The following PRR5 variants were observed in gnomAD, a reference collection of about 807,000 sequenced individuals.
The protein encoded by PRR5 is proline-rich protein 5.
PRR5 carries 25 observed loss-of-function variants against 30.6 expected under a neutral mutation model. The observed-to-expected ratio is 0.82, with a 90% confidence interval of 0.60 to 1.14. The LOEUF (loss-of-function observed/expected upper bound fraction) is 1.14, where lower values mean the gene tolerates loss of function less well. Ranked by LOEUF, PRR5 falls within the 50% of genes most tolerant of loss-of-function variation. The pLI is 0.00. For synonymous variants in PRR5, 286 were observed against 247.1 expected, an observed-to-expected ratio of 1.16 and a Z score of -1.48; for missense variants, 600 against 547.1, an observed-to-expected ratio of 1.10 and a Z score of -0.96.
chr22:44,734,076 A>G (rs75200688), intron 6 of PRR5: 1 of 152,226 alleles, frequency 6.6e-6, no homozygotes, highest in Admixed American at 6.5e-5. Flanking sequence ...GATTGAGACC[A>G]TCCTGGCCAA....
chr22:44,702,034 G>A (rs1245662613), upstream of PRR5, among the ~76,000 whole-genome samples: 1 of 152,104 alleles, frequency 6.6e-6, no homozygotes, highest in Non-Finnish European at 1.5e-5. Context: ...TCAGAGGGCA[G>A]ACCCAGCGAG....
intron 1 of PRR5, among the ~76,000 whole-genome samples, chr22:44,689,672 G>A (rs946082100): frequency 2.0e-5 from 3 of 152,120 alleles, no homozygotes; most frequent in Non-Finnish European, 4.4e-5. Context: ...GTTTTGAGAC[G>A]GAGTCTCGCT....
intron 6 of PRR5, among the ~76,000 whole-genome samples, chr22:44,733,218 C>T (rs979450242): frequency 1.3e-4 from 20 of 152,204 alleles, no homozygotes; most frequent in Admixed American, 3.9e-4. Context: ...CACCGCAAGC[C>T]AGGGGTTTCT....
chr22:44,696,721 G>GTATGTATTTATTTATTTATTTATT (rs1925777542), intron 1 of PRR5, among the ~76,000 whole-genome samples: 1 of 147,926 alleles, frequency 6.8e-6, no homozygotes, highest in African/African-American at 2.5e-5. Context: ...ATGAACTTAC[G>GTATGTATTTATTTATTTATTTATT]TATTTATTTA....
chr22:44,700,776 G>A (rs544034140), upstream of PRR5, among the ~76,000 whole-genome samples: 3 of 152,310 alleles, frequency 2.0e-5, no homozygotes, highest in East Asian at 1.9e-4. Flanking sequence ...TCCCAAAGAC[G>A]ATGGTATTTA....
At chr22:44,695,923 CTTTTTTTTTTT>C (rs79228617) in intron 1 of PRR5, among the ~76,000 whole-genome samples, 2 of 73,344 alleles carry the variant, frequency 2.7e-5, no homozygotes, top group African/African-American at 1.1e-4. Flanking sequence ...ATTCTGACAA[CTTTTTTTTTTT>C]TTTTTTTTTT....
intron 1 of PRR5, chr22:44,679,923 G>T (rs766555404): frequency 1.9e-6 from 3 of 1,541,304 alleles, no homozygotes; most frequent in Middle Eastern, 2.0e-4. Flanking sequence ...AGGGAGGCAG[G>T]TGTATGGGTG....
chr22:44,732,762 T>C (rs1430276984), intron 6 of PRR5, among the ~76,000 whole-genome samples: 1 of 146,956 alleles, frequency 6.8e-6, no homozygotes, highest in African/African-American at 2.6e-5. Flanking sequence ...ACGCACACGC[T>C]ACACACATGC....
At chr22:44,722,568 C>A (rs556793490) in intron 2 of PRR5, among the ~76,000 whole-genome samples, 6 of 152,192 alleles carry the variant, frequency 3.9e-5, no homozygotes, top group African/African-American at 1.2e-4. Context: ...ATGGTGGGGG[C>A]AGCCAGCCCT....
chr22:44,720,177 C>T (rs1182622980), intron 2 of PRR5, among the ~76,000 whole-genome samples: 1 of 152,272 alleles, frequency 6.6e-6, no homozygotes, highest in Non-Finnish European at 1.5e-5. Context: ...CCGTGCTCAG[C>T]TCAGCTCAGG....
In PRR5 at chr22:44,681,312, AGGCGCAGT is replaced by A. The variant is rs1382931767; in HGVS notation, c.-11+4076_-11+4083del. ...AGTTAAAAAAAAAGTTTGGGAGGCC[AGGCGCAGT>A]GGCTTATGCCTCTAATCCCAGAACT... On this transcript the variant is annotated intron_variant, in intron 1 of 8. Transcript: ENST00000006251. Among the ~76,000 whole-genome samples, 3 of 152,340 alleles carry A rather than the reference AGGCGCAGT, an allele frequency of 2.0e-5. No individual in the cohort carries two copies. The East Asian group carries it at 5.8e-4, about 29-fold the overall frequency.
At chr22:44,668,934 G>A (rs1248329361) in intron 1 of PRR5, 1 of 150,342 alleles carries the variant, frequency 6.7e-6, no homozygotes, top group African/African-American at 2.4e-5. Flanking sequence ...GCGCGCGCGT[G>A]TGTGTGCGCG....
chr22:44,700,690 G>GC (rs1926185894), upstream of PRR5, among the ~76,000 whole-genome samples: 1 of 152,144 alleles, frequency 6.6e-6, no homozygotes, highest in African/African-American at 2.4e-5. Flanking sequence ...CTGCCTGTGG[G>GC]CCCCAAGCTG....
At chr22:44,692,328 CTCCTCCCAGGGCTCCTCCTG>C (rs1925331690) in intron 1 of PRR5, among the ~76,000 whole-genome samples, 1 of 143,280 alleles carries the variant, frequency 7.0e-6, no homozygotes, top group African/African-American at 2.6e-5. Context: ...CCCGGGGCTC[CTCCTCCCAGGGCTCCTCCTG>C]GGGGCTCCTC....
chr22:44,671,058 A>G (rs906736919), intron 1 of PRR5, among the ~76,000 whole-genome samples: 1 of 152,180 alleles, frequency 6.6e-6, no homozygotes, highest in Non-Finnish European at 1.5e-5. Flanking sequence ...CTCAAGATAG[A>G]AAAACCCAGG....
intron 1 of PRR5, among the ~76,000 whole-genome samples, chr22:44,710,027 G>A (rs895649738): frequency 7.9e-5 from 12 of 152,218 alleles, no homozygotes; most frequent in East Asian, 3.9e-4. Context: ...CCTACCCGCC[G>A]CCCCTCCCAA....
At chr22:44,728,665 T>C (rs555594072) in intron 4 of PRR5, among the ~76,000 whole-genome samples, 1 of 152,310 alleles carries the variant, frequency 6.6e-6, no homozygotes, top group East Asian at 1.9e-4. Flanking sequence ...CACCTCCACA[T>C]CCTGATGGGC....
intron 1 of PRR5, among the ~76,000 whole-genome samples, chr22:44,670,945 G>A (rs1041679633): frequency 6.6e-6 from 1 of 152,180 alleles, no homozygotes; most frequent in Non-Finnish European, 1.5e-5. Context: ...GAAGAACAGA[G>A]CTCTCGTGAG....
At chr22:44,693,026 G>GT (rs1925422844) in intron 1 of PRR5, among the ~76,000 whole-genome samples, 1 of 152,166 alleles carries the variant, frequency 6.6e-6, no homozygotes, top group Admixed American at 6.5e-5. Context: ...GTCAGGGTGG[G>GT]ACCTTTCCCC....
Sources: gnomAD v4.1 joint callset for allele counts (sites outside exome capture counted in the v4.1 genomes callset) on GRCh38, gnomAD v4.1.1 for gene constraint, MANE v1.5 for transcripts, NCBI Gene and HGNC (gene_info 2026-07-23, HGNC 2026-07-21) for gene names.